ST6GALNAC5: variants seen among roughly 807,000 people sequenced by gnomAD.
ST6GALNAC5 encodes the protein alpha-N-acetylgalactosaminide alpha-2,6-sialyltransferase 5.
ST6GALNAC5 carries 27 observed loss-of-function variants against 33.6 expected under a neutral mutation model. The ratio of observed to expected loss-of-function variants is 0.80; its 90% CI spans 0.59 to 1.11. The LOEUF is 1.11. ST6GALNAC5 is among the 50% of genes least tolerant of loss of function. The pLI, the probability that ST6GALNAC5 is intolerant of heterozygous loss-of-function variation, is 0.00. For synonymous variants in ST6GALNAC5, 194 were observed against 171.2 expected (o/e 1.13, Z -1.04); for missense variants, 428 against 454.0 (o/e 0.94, Z 0.52).
At chr1:77,017,862 A>T (rs1237336276) in intron 2 of ST6GALNAC5, among the ~76,000 whole-genome samples, 2 of 152,228 alleles carry the variant, frequency 1.3e-5, no homozygotes, top group Non-Finnish European at 2.9e-5. Context: ...ATAATATAGT[A>T]CAATGGAAAG....
chr1:76,936,191 C>A (rs552110049), intron 2 of ST6GALNAC5, among the ~76,000 whole-genome samples: 1 of 152,032 alleles, frequency 6.6e-6, no homozygotes, highest in African/African-American at 2.4e-5. Flanking sequence ...TGTTAACTCA[C>A]CGTATTATTT....
intron 2 of ST6GALNAC5, among the ~76,000 whole-genome samples, chr1:77,015,048 CAA>C (rs1488683284): frequency 1.8e-4 from 20 of 112,232 alleles, no homozygotes; most frequent in Admixed American, 3.9e-4. Context: ...CACTCGCACA[CAA>C]ACACACACAC....
At chr1:76,991,958 G>C (rs756230626) in intron 2 of ST6GALNAC5, among the ~76,000 whole-genome samples, 5 of 151,936 alleles carry the variant, frequency 3.3e-5, no homozygotes, top group Non-Finnish European at 7.4e-5. Flanking sequence ...TGTATGAATG[G>C]AATGTTTTTT....
intron 2 of ST6GALNAC5, among the ~76,000 whole-genome samples, chr1:76,882,137 G>A (rs1653794692): frequency 6.6e-6 from 1 of 152,152 alleles, no homozygotes; most frequent in South Asian, 2.1e-4. Context: ...TATGCCTCTG[G>A]ATAGTTAAAA....
intron 2 of ST6GALNAC5, among the ~76,000 whole-genome samples, chr1:76,908,150 T>A (rs1207673447): frequency 2.0e-5 from 3 of 152,148 alleles, no homozygotes; most frequent in African/African-American, 7.2e-5. Flanking sequence ...TGTTGTGCTC[T>A]CTGTCTTAGT....
chr1:76,868,610 G>A lies in ST6GALNAC5; in HGVS notation c.129G>A (p.Gln43=). 6.2e-7 allele frequency: 1 copy of A among 1,611,374 alleles called. No individual in the cohort carries two copies. The highest frequency in any genetic ancestry group is 1.1e-5 in the South Asian group (1 of 90,984). The change falls in exon 2 of 5, where the codon CAG becomes CAA. Residue 43 remains glutamine, a synonymous_variant. Coordinates refer to ENST00000477717, the MANE Select transcript of ST6GALNAC5 (RefSeq NM_030965.3). The surrounding 1 kb of genome is among the most constrained non-coding windows in gnomAD (Gnocchi z 4.3). ...GGCCCCCGCAGCAGCAGCAGCAGCAGCAGCAACAGCAGCAGCAGGCGTCGG... is the reference window on the plus strand; with the variant it reads ...GGCCCCCGCAGCAGCAGCAGCAGCAACAGCAACAGCAGCAGCAGGCGTCGG... The part of the protein sequence containing the change: ...KERPPQQQQQ[Q]QQQQQQASAT...
intron 2 of ST6GALNAC5, among the ~76,000 whole-genome samples, chr1:76,885,448 T>C (rs1285506701): frequency 2.6e-5 from 4 of 152,230 alleles, no homozygotes; most frequent in South Asian, 2.1e-4. Context: ...AACACGTGTA[T>C]ACACGACATT....
chr1:77,013,908 T>G (rs1377218583), intron 2 of ST6GALNAC5, among the ~76,000 whole-genome samples: 1 of 152,194 alleles, frequency 6.6e-6, no homozygotes, highest in African/African-American at 2.4e-5. Flanking sequence ...GATGCACAGT[T>G]TGCTGAAATT....
chr1:76,889,239 A>C (rs1653963566), intron 2 of ST6GALNAC5, among the ~76,000 whole-genome samples: 1 of 152,094 alleles, frequency 6.6e-6, no homozygotes, highest in Non-Finnish European at 1.5e-5. Context: ...GTATTGCAGT[A>C]TTTTAGTCTT....
chr1:77,041,039 A>G (rs958691405), intron 2 of ST6GALNAC5, among the ~76,000 whole-genome samples: 3 of 152,218 alleles, frequency 2.0e-5, no homozygotes, highest in Non-Finnish European at 2.9e-5. Flanking sequence ...CAATCCGACC[A>G]CGATCACACT....
Sources: allele counts gnomAD v4.1 joint callset (sites outside exome capture counted in the v4.1 genomes callset), GRCh38; gene constraint gnomAD v4.1.1; non-coding constraint Gnocchi (gnomAD v3.1); transcripts MANE v1.5; gene names NCBI Gene and HGNC (gene_info 2026-07-23, HGNC 2026-07-21).